CFAP61: variants seen among roughly 807,000 people sequenced by gnomAD.
The protein encoded by CFAP61 is cilia and flagella associated protein 61, also known as cilia- and flagella-associated protein 61.
A neutral mutation model predicts 135.6 loss-of-function variants in CFAP61; 107 were observed. The observed-to-expected ratio is 0.79, with a 90% confidence interval of 0.67 to 0.93. The LOEUF (loss-of-function observed/expected upper bound fraction) is 0.93, where lower values mean the gene tolerates loss of function less well. Among genes scored for constraint, CFAP61 ranks in the 40% least tolerant of loss-of-function variants. The probability of loss-of-function intolerance (pLI) is 0.00; values close to 1 mark genes in which losing one functional copy is unlikely to be tolerated. For missense variants in CFAP61, 1,507 were observed against 1,556.2 expected, an observed-to-expected ratio of 0.97 and a Z score of 0.53; for synonymous variants, 575 against 578.5, an observed-to-expected ratio of 0.99 and a Z score of 0.09.
chr20:20,214,910 G>A (rs1448106952), intron 17 of CFAP61, among the ~76,000 whole-genome samples: 2 of 152,248 alleles, frequency 1.3e-5, no homozygotes, highest in Admixed American at 1.3e-4. Context: ...AGAGAGAGAA[G>A]CATCCACAGG....
chr20:20,110,389 G>A (rs984376753), intron 8 of CFAP61, among the ~76,000 whole-genome samples: 24 of 152,108 alleles, frequency 1.6e-4, no homozygotes, highest in African/African-American at 4.8e-4. Flanking sequence ...AAGGAGCAGG[G>A]TTGATTGCTA....
Position 20,360,426 on chromosome 20 carries a change from C to A in CFAP61, c.*16C>A, listed in dbSNP as rs371990675. 2.3e-4 allele frequency: 367 copies of A among 1,610,862 alleles called. No individual in the cohort carries two copies. The highest frequency in any genetic ancestry group is 2.8e-4 in the Non-Finnish European group (329 of 1,178,138). ...CATCGTTTAGTTGTAGGCAGGGTCT[C>A]CCCTTTATGGTTTTCATTTATTTAG... is the stretch of plus-strand genomic sequence containing the variant. On this transcript the variant is annotated 3_prime_UTR_variant, in exon 27 of 27. Transcript: ENST00000245957.
At chr20:20,299,723 G>A (rs1460240850) in intron 25 of CFAP61, among the ~76,000 whole-genome samples, 1 of 152,196 alleles carries the variant, frequency 6.6e-6, no homozygotes, top group Admixed American at 6.5e-5. Flanking sequence ...TGTAGCTGTG[G>A]TTCGTTTGTT....
At position 20,055,437 on chromosome 20, in the gene CFAP61, C is replaced by T. The variant is rs139528132; in HGVS notation, c.-36-1181C>T. On this transcript the variant is annotated intron_variant, in intron 1 of 26. Coordinates refer to ENST00000245957, the MANE Select transcript of CFAP61 (RefSeq NM_015585.4). ...TAATTTTTCTAGCCCCCTCACTTAC[C>T]GAGGGGCCCATCCAAAGTCCCAGGT... 9.8e-3 allele frequency among the ~76,000 whole-genome samples: 1,484 copies of T among 152,180 alleles called. 25 individuals are homozygous for T. Among genetic ancestry groups the T allele is most frequent in the African/African-American group, 0.029 (1,217 of 41,512 alleles).
At chr20:20,187,182 G>T (rs1358739718) in intron 13 of CFAP61, among the ~76,000 whole-genome samples, 1 of 152,216 alleles carries the variant, frequency 6.6e-6, no homozygotes, top group Non-Finnish European at 1.5e-5. Flanking sequence ...TGACTCATGA[G>T]CCTCTCTATA....
intron 26 of CFAP61, among the ~76,000 whole-genome samples, chr20:20,346,925 G>T (rs953543650): frequency 6.6e-6 from 1 of 152,212 alleles, no homozygotes; most frequent in Admixed American, 6.5e-5. Flanking sequence ...AGTCGTGGAT[G>T]AAATTCTCTG....
intron 19 of CFAP61, among the ~76,000 whole-genome samples, chr20:20,248,544 C>T (rs1359524567): frequency 2.0e-5 from 3 of 152,052 alleles, no homozygotes; most frequent in African/African-American, 4.8e-5. Context: ...GGGATGCAGC[C>T]GAAAGGAAGG....
chr20:20,159,830 G>A (rs916481357), intron 10 of CFAP61, among the ~76,000 whole-genome samples: 1 of 152,198 alleles, frequency 6.6e-6, no homozygotes, highest in Non-Finnish European at 1.5e-5. Flanking sequence ...TCCGTGTCTA[G>A]GTGTGTTATT....
chr20:20,265,660 C>G, intron 21 of CFAP61: 1 of 619,186 alleles, frequency 1.6e-6, no homozygotes, highest in South Asian at 1.9e-5. Flanking sequence ...AATGACTCCC[C>G]CAGGCACCTC....
At chr20:20,119,057 CA>C (rs1272712100) in intron 8 of CFAP61, among the ~76,000 whole-genome samples, 1 of 152,036 alleles carries the variant, frequency 6.6e-6, no homozygotes, top group African/African-American at 2.4e-5. Context: ...CTATGTTCTT[CA>C]GTGGTATTGG....
chr20:20,109,173 G>T (rs1328642796), intron 8 of CFAP61, among the ~76,000 whole-genome samples: 1 of 152,134 alleles, frequency 6.6e-6, no homozygotes, highest in Non-Finnish European at 1.5e-5. Flanking sequence ...TACATTTTCA[G>T]TCTGCCCTGT....
At chr20:20,097,608 G>T (rs558426902) in intron 7 of CFAP61, among the ~76,000 whole-genome samples, 4 of 152,202 alleles carry the variant, frequency 2.6e-5, no homozygotes, top group Non-Finnish European at 5.9e-5. Context: ...GTTCAGATCA[G>T]CTAGTTACTC....
chr20:20,314,321 C>G (rs1209770237), intron 25 of CFAP61, among the ~76,000 whole-genome samples: 2 of 146,232 alleles, frequency 1.4e-5, no homozygotes, highest in African/African-American at 2.5e-5. Flanking sequence ...ACCTGGGAGG[C>G]AGAGGCTGCA....
chr20:20,067,525 G>T (rs973608788), intron 2 of CFAP61, among the ~76,000 whole-genome samples: 2 of 151,018 alleles, frequency 1.3e-5, no homozygotes, highest in Non-Finnish European at 3.0e-5. Context: ...ATCTGTAGTC[G>T]CAGCTACTCG....
chr20:20,255,380 A>G (rs1267480007), intron 20 of CFAP61, among the ~76,000 whole-genome samples: 2 of 152,204 alleles, frequency 1.3e-5, no homozygotes, highest in Admixed American at 6.5e-5. Flanking sequence ...TGAGCATGAG[A>G]AGACTGTGGT....
At chr20:20,254,263 G>A (rs1455319748) in intron 20 of CFAP61, among the ~76,000 whole-genome samples, 1 of 146,840 alleles carries the variant, frequency 6.8e-6, no homozygotes, top group Non-Finnish European at 1.5e-5. Flanking sequence ...AATATTTACT[G>A]CAGGGATACT....
intron 8 of CFAP61, among the ~76,000 whole-genome samples, chr20:20,116,757 C>G (rs893097447): frequency 1.3e-5 from 2 of 152,118 alleles, no homozygotes; most frequent in Admixed American, 6.5e-5. Flanking sequence ...TCCCCCACCC[C>G]TCTACTCTTC....
chr20:20,209,239 G>A (rs754107281), intron 17 of CFAP61, among the ~76,000 whole-genome samples: 1 of 152,140 alleles, frequency 6.6e-6, no homozygotes, highest in Non-Finnish European at 1.5e-5. Flanking sequence ...GTTCCCTCAT[G>A]TTGGTTAAGT....
intron 17 of CFAP61, among the ~76,000 whole-genome samples, chr20:20,210,779 C>CT (rs2047576448): frequency 6.6e-6 from 1 of 152,128 alleles, no homozygotes; most frequent in Admixed American, 6.6e-5. Context: ...ACTTTCAGGC[C>CT]TTTTTATTAA....
Sources: allele counts gnomAD v4.1 joint callset (sites outside exome capture counted in the v4.1 genomes callset), GRCh38; gene constraint gnomAD v4.1.1; transcripts MANE v1.5; gene names NCBI Gene and HGNC (gene_info 2026-07-23, HGNC 2026-07-21).